The following EXT1 variants were observed in gnomAD, a reference collection of about 807,000 sequenced individuals.
EXT1 encodes the protein exostosin glycosyltransferase 1, also known as exostosin-1.
Under a neutral mutation model 82.5 loss-of-function variants are expected in EXT1, and 20 were observed. The observed-to-expected ratio is 0.24, with a 90% CI of 0.17 to 0.35. EXT1 has a LOEUF of 0.35. EXT1 is among the 10% of genes least tolerant of loss of function. The pLI, the probability that EXT1 is intolerant of heterozygous loss-of-function variation, is 1.00. For synonymous variants in EXT1, 348 were observed against 350.8 expected, an observed-to-expected ratio of 0.99 and a Z score of 0.09; for missense variants, 757 against 936.5, an observed-to-expected ratio of 0.81 and a Z score of 2.50.
chr8:117,807,319 G>C lies in EXT1; in HGVS notation c.1781C>G (p.Ala594Gly), dbSNP rs374887549. The change falls in exon 9 of 11, where the codon GCG becomes GGG. Residue 594 changes from alanine to glycine, a missense_variant. By Grantham distance (60) the Ala-to-Gly change is moderately conservative. Transcript: ENST00000378204. ...AGAGTTATCCCAGAAGTGGCTGCGCGCGGGGTACCCCACAATCCTCTCAGG... is the reference window on the plus strand; with the variant it reads ...AGAGTTATCCCAGAAGTGGCTGCGCCCGGGGTACCCCACAATCCTCTCAGG... Reference protein sequence around the residue: ...SFPERIVGYPARSHFWDNSKE... With the variant: ...SFPERIVGYPGRSHFWDNSKE... 37 of 1,614,026 alleles carry C rather than the reference G, an allele frequency of 2.3e-5. No homozygotes were observed. Among genetic ancestry groups the C allele is most frequent in the Non-Finnish European group, 3.1e-5 (36 of 1,180,032 alleles).
At chr8:117,907,829 A>C (rs1293247413) in intron 1 of EXT1, among the ~76,000 whole-genome samples, 1 of 152,178 alleles carries the variant, frequency 6.6e-6, no homozygotes, top group African/African-American at 2.4e-5. Flanking sequence ...GAAGCGATCT[A>C]TAAAGTCTAG....
At chr8:117,921,360 A>G (rs3134312) in intron 1 of EXT1, among the ~76,000 whole-genome samples, 8,050 of 152,234 alleles carry the variant, frequency 0.053, 546 homozygotes, top group African/African-American at 0.15. Context: ...ATAAAAGGGA[A>G]TCCTGTCACT....
At chr8:117,810,198 G>A (rs1268903986) in intron 8 of EXT1, among the ~76,000 whole-genome samples, 1 of 152,124 alleles carries the variant, frequency 6.6e-6, no homozygotes, top group African/African-American at 2.4e-5. Flanking sequence ...CAACTATAAT[G>A]CCCTTTATAG....
In EXT1 at chr8:118,044,302, T is replaced by C. The variant is rs754479730; in HGVS notation, c.962+65783A>G. On this transcript the variant is annotated intron_variant, in intron 1 of 10. Coordinates refer to ENST00000378204, the MANE Select transcript of EXT1 (RefSeq NM_000127.3). ...AGAAGGTAAGTCACACAGTTAATGG[T>C]TGATCAAACCAGAACTGCTGCCCCC... Among the ~76,000 whole-genome samples, 41 of 152,286 alleles carry C rather than the reference T, an allele frequency of 2.7e-4. No homozygotes were observed. The Middle Eastern group carries it at 0.014, about 51-fold the overall frequency.
At chr8:117,930,287 G>A (rs1015064396) in intron 1 of EXT1, among the ~76,000 whole-genome samples, 1 of 152,072 alleles carries the variant, frequency 6.6e-6, no homozygotes, top group African/African-American at 2.4e-5. Context: ...ATGAAATGTG[G>A]GGAGCGGAAG....
At chr8:117,950,227 C>G (rs747421606) in intron 1 of EXT1, among the ~76,000 whole-genome samples, 1 of 152,074 alleles carries the variant, frequency 6.6e-6, no homozygotes, top group Non-Finnish European at 1.5e-5. Context: ...GGTGACAGAG[C>G]AAGATCCCAT....
rs142692275 is a variant in EXT1, at chr8:117,956,152, A to G, written c.963-118951T>C. ...ACACACAGGAAAAGGAGTGAAAGTG[A>G]TAACTACGGATTTTTTTTTAACAGC... On this transcript the variant is annotated intron_variant, in intron 1 of 10. Coordinates refer to ENST00000378204, the MANE Select transcript of EXT1 (RefSeq NM_000127.3). 2.2e-3 allele frequency among the ~76,000 whole-genome samples: 323 copies of G among 149,826 alleles called. 1 individual carries two copies. Among genetic ancestry groups the G allele is most frequent in the African/African-American group, 7.7e-3 (313 of 40,788 alleles).
chr8:117,872,226 C>T (rs1306436226), intron 1 of EXT1, among the ~76,000 whole-genome samples: 1 of 151,956 alleles, frequency 6.6e-6, no homozygotes, highest in Non-Finnish European at 1.5e-5. Context: ...AGTCTGTTTT[C>T]CTAGGGTGGA....
chr8:118,009,123 T>G (rs1308844901), intron 1 of EXT1, among the ~76,000 whole-genome samples: 1 of 152,144 alleles, frequency 6.6e-6, no homozygotes, highest in Non-Finnish European at 1.5e-5. Flanking sequence ...AGGTTGAAGG[T>G]GTCCCAGAAG....
intron 8 of EXT1, among the ~76,000 whole-genome samples, chr8:117,812,137 A>G (rs972444679): frequency 2.0e-5 from 3 of 152,238 alleles, no homozygotes; most frequent in African/African-American, 7.2e-5. Context: ...AGTAGTTGCC[A>G]TTAATAATGT....
intron 4 of EXT1, among the ~76,000 whole-genome samples, chr8:117,825,636 G>C (rs1811997798): frequency 6.6e-6 from 1 of 152,112 alleles, no homozygotes; most frequent in South Asian, 2.1e-4. Flanking sequence ...ATGGACAATT[G>C]GTTATAGGTT....
chr8:117,898,870 G>C (rs547444471), intron 1 of EXT1, among the ~76,000 whole-genome samples: 2 of 151,650 alleles, frequency 1.3e-5, no homozygotes, highest in African/African-American at 4.8e-5. Context: ...CTAAGAATAT[G>C]ACTCCAATCA....
intron 4 of EXT1, among the ~76,000 whole-genome samples, chr8:117,823,357 T>C (rs973432634): frequency 3.3e-5 from 5 of 152,120 alleles, no homozygotes; most frequent in African/African-American, 9.7e-5. Context: ...TCCCGAATCA[T>C]TTGTCAGTTG....
intron 8 of EXT1, among the ~76,000 whole-genome samples, chr8:117,809,244 T>TATATATA (rs1554657605): frequency 8.0e-5 from 11 of 138,178 alleles, no homozygotes; most frequent in East Asian, 2.1e-4. Flanking sequence ...TATATATATA[T>TATATATA]TATGTTCTAT....
chr8:117,815,702 C>T (rs889093162), intron 7 of EXT1, among the ~76,000 whole-genome samples: 5 of 152,204 alleles, frequency 3.3e-5, no homozygotes, highest in East Asian at 1.9e-4. Context: ...GAGGCCTAGG[C>T]GGTGGATCAC....
intron 1 of EXT1, among the ~76,000 whole-genome samples, chr8:118,019,500 A>G (rs1340120176): frequency 6.6e-6 from 1 of 152,264 alleles, no homozygotes; most frequent in Non-Finnish European, 1.5e-5. Context: ...AACAGTGAGC[A>G]GAACCACAAG....
chr8:118,079,149 T>C (rs995445376), intron 1 of EXT1, among the ~76,000 whole-genome samples: 14 of 152,230 alleles, frequency 9.2e-5, no homozygotes, highest in Admixed American at 9.2e-4. Flanking sequence ...AAACATTTTT[T>C]AATCAAAGTC....
intron 1 of EXT1, among the ~76,000 whole-genome samples, chr8:118,015,584 G>A (rs1305765718): frequency 6.6e-6 from 1 of 152,166 alleles, no homozygotes; most frequent in Non-Finnish European, 1.5e-5. Context: ...GAGTTCCAGT[G>A]TCAAGAGGGA....
rs1812201342 is a variant in EXT1, at chr8:117,837,171, G to A, written c.993C>T (p.Ala331=). The A allele has an allele frequency of 6.2e-7, 1 of 1,613,966 alleles. No individual in the cohort carries two copies. The highest frequency in any genetic ancestry group is 8.5e-7 in the Non-Finnish European group (1 of 1,179,926). ...GACCACGAGGAACCAGACAGAAAGTGGCATTGTGCAGCATTTCCCGATAAT... is the reference window on the plus strand; with the variant it reads ...GACCACGAGGAACCAGACAGAAAGTAGCATTGTGCAGCATTTCCCGATAAT... The part of the protein sequence containing the change: ...KYDYREMLHN[A]TFCLVPRGRR... Residue 331 remains alanine, a synonymous_variant, in exon 2 of 11, where the codon GCC becomes GCT. Coordinates refer to ENST00000378204, the MANE Select transcript of EXT1 (RefSeq NM_000127.3).
Sources: gnomAD v4.1 joint callset for allele counts (sites outside exome capture counted in the v4.1 genomes callset) on GRCh38, gnomAD v4.1.1 for gene constraint, MANE v1.5 for transcripts, NCBI Gene and HGNC (gene_info 2026-07-23, HGNC 2026-07-21) for gene names.